The following JAKMIP1 variants were observed in gnomAD, a reference collection of about 807,000 sequenced individuals.
The protein encoded by JAKMIP1 is janus kinase and microtubule interacting protein 1.
JAKMIP1 carries 33 observed loss-of-function variants against 113.0 expected under a neutral mutation model. That is an observed-to-expected ratio of 0.29 (90% CI 0.22 to 0.39). The LOEUF is 0.39. Among genes scored for constraint, JAKMIP1 ranks in the 10% least tolerant of loss-of-function variants. The pLI, the probability that JAKMIP1 is intolerant of heterozygous loss-of-function variation, is 1.00. For missense variants in JAKMIP1, 813 were observed against 1,080.5 expected (o/e 0.75, Z 3.47); for synonymous variants, 480 against 459.9 (o/e 1.04, Z -0.56).
chr4:6,169,443 G>C (rs916574056), intron 1 of JAKMIP1, among the ~76,000 whole-genome samples: 2 of 152,126 alleles, frequency 1.3e-5, no homozygotes, highest in African/African-American at 4.8e-5. Context: ...CACCACTAGG[G>C]GTTGGGAGAA....
rs1360990221 is a variant in JAKMIP1, at chr4:6,162,309, C to G, written c.-148+37944G>C. Among the ~76,000 whole-genome samples, 1 of 152,208 alleles carries G rather than the reference C, an allele frequency of 6.6e-6. No homozygotes were observed. The highest frequency in any genetic ancestry group is 1.5e-5 in the Non-Finnish European group (1 of 68,032). ...AGCAGAGGAGAGACTCACCAGGACACTGCACTGCAGCCGAGCTTGCATCTG... is the reference window on the plus strand; with the variant it reads ...AGCAGAGGAGAGACTCACCAGGACAGTGCACTGCAGCCGAGCTTGCATCTG... On this transcript the variant is annotated intron_variant, in intron 1 of 20. Coordinates refer to ENST00000409021, the MANE Select transcript of JAKMIP1 (RefSeq NM_001099433.2). This position sits in a 1 kb window ranked among gnomAD's most constrained non-coding sequence, Gnocchi z 5.6.
chr4:6,144,265 G>A (rs747920414), intron 1 of JAKMIP1, among the ~76,000 whole-genome samples: 11 of 152,290 alleles, frequency 7.2e-5, no homozygotes, highest in South Asian at 4.1e-4. Flanking sequence ...ACCTAGATAC[G>A]TAGAAAAGCA....
chr4:6,091,784 T>C (rs914904467), intron 3 of JAKMIP1, among the ~76,000 whole-genome samples: 1 of 152,236 alleles, frequency 6.6e-6, no homozygotes, highest in Non-Finnish European at 1.5e-5. Flanking sequence ...TCTTCTGCCA[T>C]TCTTGGCACA....
chr4:6,145,220 C>A (rs1222431958), intron 1 of JAKMIP1, among the ~76,000 whole-genome samples: 1 of 152,170 alleles, frequency 6.6e-6, no homozygotes, highest in Non-Finnish European at 1.5e-5. Context: ...AGGCACCAGC[C>A]CCATGCAAGG....
chr4:6,060,264 A>T (rs1214938612), intron 11 of JAKMIP1, among the ~76,000 whole-genome samples, 160 bp downstream of exon 11: 1 of 152,216 alleles, frequency 6.6e-6, no homozygotes, highest in Non-Finnish European at 1.5e-5. Flanking sequence ...TAGGGAGCAC[A>T]TTCGTGCCTG....
chr4:6,064,522 G>T lies in JAKMIP1; in HGVS notation c.1431+358C>A, dbSNP rs1717769660. On this transcript the variant is annotated intron_variant, in intron 9 of 20. Transcript: ENST00000409021. This position sits in a 1 kb window ranked among gnomAD's most constrained non-coding sequence, Gnocchi z 4.3. ...TGTCCGTGTGTGCACACATGCGTGGGGACCAGGGAGAGACCATTACGCAGC... is the reference window on the plus strand; with the variant it reads ...TGTCCGTGTGTGCACACATGCGTGGTGACCAGGGAGAGACCATTACGCAGC... Among the ~76,000 whole-genome samples, 1 of 152,210 alleles carries T rather than the reference G, an allele frequency of 6.6e-6. No individual in the cohort carries two copies. The highest frequency in any genetic ancestry group is 1.5e-5 in the Non-Finnish European group (1 of 68,040).
intron 1 of JAKMIP1, among the ~76,000 whole-genome samples, chr4:6,148,438 T>A (rs1721128548): frequency 1.3e-5 from 2 of 152,254 alleles, no homozygotes; most frequent in Admixed American, 6.5e-5. Flanking sequence ...ACACATATAC[T>A]CATTACTGTT....
In JAKMIP1 at chr4:6,067,658, G is replaced by T. The variant is rs1167373657; in HGVS notation, c.1303-2650C>A. Among the ~76,000 whole-genome samples, 1 of 125,998 alleles carries T rather than the reference G, an allele frequency of 7.9e-6. No homozygotes were observed. Among genetic ancestry groups the T allele is most frequent in the East Asian group, 2.5e-4 (1 of 3,960 alleles). 82.7% of individuals were successfully genotyped at this position (125,998 alleles called of 152,430 possible). A position where few individuals can be genotyped will look rare whatever the true frequency, so the allele number is the denominator to read the frequency against. On this transcript the variant is annotated intron_variant, in intron 8 of 20. Transcript: ENST00000409021. This position sits in a 1 kb window ranked among gnomAD's most constrained non-coding sequence, Gnocchi z 4.6. ...AAGCTCTTCTGCACACACACACACAGGTCACCCCCTGAGCTCCAGGTTCAC... is the reference window on the plus strand; with the variant it reads ...AAGCTCTTCTGCACACACACACACATGTCACCCCCTGAGCTCCAGGTTCAC...
chr4:6,091,605 G>T lies in JAKMIP1; in HGVS notation c.625-5976C>A, dbSNP rs201058607. Among the ~76,000 whole-genome samples the T allele has an allele frequency of 9.9e-5, 15 of 152,206 alleles. No individual in the cohort carries two copies. The East Asian group carries it at 1.7e-3, about 18-fold the overall frequency. ...AAATGGGGAGCCCAGAATCACTCAG[G>T]GCAGCCTCTCTCCAAAGGCTTCTCT... On this transcript the variant is annotated intron_variant, in intron 3 of 20. Transcript: ENST00000409021.
intron 19 of JAKMIP1, among the ~76,000 whole-genome samples, chr4:6,030,223 T>A (rs1712431145): frequency 1.3e-5 from 2 of 151,606 alleles, no homozygotes; most frequent in African/African-American, 4.9e-5. Context: ...AAGATTTGTT[T>A]AACTGCAGCC....
intron 8 of JAKMIP1, chr4:6,070,026 C>T (rs114333760): frequency 7.8e-5 from 31 of 398,718 alleles, no homozygotes; most frequent in African/African-American, 5.7e-4. Flanking sequence ...CAGAGAACCT[C>T]AAAACGCAAA....
At chr4:6,084,416 C>T (rs565116503) in intron 5 of JAKMIP1, among the ~76,000 whole-genome samples, 9 of 151,858 alleles carry the variant, frequency 5.9e-5, no homozygotes, top group East Asian at 3.9e-4. Flanking sequence ...ACTATGAACA[C>T]GTTTCCATTT....
At chr4:6,195,795 G>C (rs1208183504) in intron 1 of JAKMIP1, among the ~76,000 whole-genome samples, 1 of 152,246 alleles carries the variant, frequency 6.6e-6, no homozygotes, top group African/African-American at 2.4e-5. Flanking sequence ...TCCTGGAAAA[G>C]GCCAGGGAGT....
chr4:6,037,159 A>C (rs1713594857), intron 18 of JAKMIP1, among the ~76,000 whole-genome samples: 1 of 149,598 alleles, frequency 6.7e-6, no homozygotes, highest in Admixed American at 6.6e-5. Context: ...GTAGCCCTCC[A>C]TCACCGAGGC....
intron 1 of JAKMIP1, among the ~76,000 whole-genome samples, chr4:6,166,526 C>G (rs1249614233): frequency 6.6e-6 from 1 of 152,240 alleles, no homozygotes; most frequent in Non-Finnish European, 1.5e-5. Context: ...GGCCAGGGCT[C>G]TCTACCTGAG....
intron 1 of JAKMIP1, among the ~76,000 whole-genome samples, chr4:6,173,396 A>G (rs537426053): frequency 2.6e-5 from 4 of 152,322 alleles, no homozygotes; most frequent in African/African-American, 9.6e-5. Context: ...ACTTCGTCAA[A>G]AGCCTCTGGC....
chr4:6,145,399 C>T (rs556091037), intron 1 of JAKMIP1, among the ~76,000 whole-genome samples: 1 of 152,266 alleles, frequency 6.6e-6, no homozygotes, highest in East Asian at 1.9e-4. Context: ...CAGTTTGACT[C>T]CAATATTCAT....
In JAKMIP1 at chr4:6,040,576, GA is replaced by G; in HGVS notation, c.2175+62del. On this transcript the variant is annotated intron_variant, in intron 18 of 20. Transcript: ENST00000409021. This position sits in a 1 kb window ranked among gnomAD's most constrained non-coding sequence, Gnocchi z 5.8. ...CCTAAATGCAGTTTCAGCCCCAGAGGAAAAAGCAGCCTCTAATGTGGAGTCT... is the reference window on the plus strand; with the variant it reads ...CCTAAATGCAGTTTCAGCCCCAGAGGAAAAGCAGCCTCTAATGTGGAGTCT... The G allele has an allele frequency of 8.0e-7, 1 of 1,244,814 alleles. No individual in the cohort carries two copies. Among genetic ancestry groups the G allele is most frequent in the Non-Finnish European group, 1.2e-6 (1 of 852,632 alleles). 77.1% of individuals were successfully genotyped at this position (1,244,814 alleles called of 1,614,324 possible).
rs907790574 is a variant in JAKMIP1, at chr4:6,065,399, G to A, written c.1303-391C>T. ...AGAAAGCAGCCCAGCACTCCGTCAC[G>A]CTCCATGAGCAGCGCACTGGCTGTA... On this transcript the variant is annotated intron_variant, in intron 8 of 20. Coordinates refer to ENST00000409021, the MANE Select transcript of JAKMIP1 (RefSeq NM_001099433.2). This position sits in a 1 kb window ranked among gnomAD's most constrained non-coding sequence, Gnocchi z 5.1. 3.9e-5 allele frequency among the ~76,000 whole-genome samples: 6 copies of A among 152,220 alleles called. No individual in the cohort carries two copies. Among genetic ancestry groups the A allele is most frequent in the East Asian group, 1.9e-4 (1 of 5,194 alleles).
Sources: allele counts gnomAD v4.1 joint callset (sites outside exome capture counted in the v4.1 genomes callset), GRCh38; gene constraint gnomAD v4.1.1; non-coding constraint Gnocchi (gnomAD v3.1); transcripts MANE v1.5; gene names NCBI Gene and HGNC (gene_info 2026-07-23, HGNC 2026-07-21).